CCDC50: variants seen among roughly 807,000 people sequenced by gnomAD.
The protein encoded by CCDC50 is coiled-coil domain containing 50, also known as coiled-coil domain-containing protein 50.
Under a neutral mutation model 70.2 loss-of-function variants are expected in CCDC50, and 54 were observed. That is an observed-to-expected ratio of 0.77 (90% CI 0.62 to 0.96). The LOEUF is 0.96. CCDC50 is among the 50% of genes least tolerant of loss of function. The probability of loss-of-function intolerance (pLI) is 0.00; values close to 1 mark genes in which losing one functional copy is unlikely to be tolerated. For synonymous variants in CCDC50, 216 were observed against 198.8 expected (o/e 1.09, Z -0.73); for missense variants, 558 against 578.7 (o/e 0.96, Z 0.37).
chr3:191,344,805 G>A (rs1025065342), intron 1 of CCDC50, among the ~76,000 whole-genome samples: 7 of 152,014 alleles, frequency 4.6e-5, no homozygotes, highest in Admixed American at 2.0e-4. Flanking sequence ...TCTCGAACTC[G>A]GGAGCTCAGG....
intron 4 of CCDC50, among the ~76,000 whole-genome samples, chr3:191,364,219 G>C (rs1228644421): frequency 6.6e-6 from 1 of 151,780 alleles, no homozygotes; most frequent in Non-Finnish European, 1.5e-5. Context: ...CGGGCGCCTG[G>C]CACCACGTCC....
intron 1 of CCDC50, among the ~76,000 whole-genome samples, chr3:191,356,582 G>T (rs372723882): frequency 6.6e-6 from 1 of 152,198 alleles, no homozygotes; most frequent in Non-Finnish European, 1.5e-5. Flanking sequence ...TGAGGGACTA[G>T]TGAAAATATA....
chr3:191,390,526 G>T (rs1713657403), intron 11 of CCDC50, among the ~76,000 whole-genome samples: 1 of 152,082 alleles, frequency 6.6e-6, no homozygotes, highest in African/African-American at 2.4e-5. Context: ...CTGGGAAAGG[G>T]GTGGGCAAAT....
rs10635756 is a variant in CCDC50 at position 191,389,853 on chromosome 3, CTTTTTTTTTTTTTT to C, written c.1429+263_1429+276del. 2.0e-4 allele frequency among the ~76,000 whole-genome samples: 17 copies of C among 84,658 alleles called. 1 individual carries two copies. The highest frequency in any genetic ancestry group is 3.0e-4 in the Non-Finnish European group (14 of 47,446). The allele number at this position is 84,658 out of a possible 152,430, so 55.5% of individuals were successfully genotyped here. On this transcript the variant is annotated intron_variant, in intron 11 of 11. Transcript: ENST00000392455. ...GAGCACAACGCTTTCATCAAATTCACTTTTTTTTTTTTTTTTTTTTTTTTTGAGTCGGAGTCTCA... is the reference window on the plus strand; with the variant it reads ...GAGCACAACGCTTTCATCAAATTCACTTTTTTTTTTTGAGTCGGAGTCTCA...
intron 1 of CCDC50, among the ~76,000 whole-genome samples, chr3:191,339,899 A>G (rs1174126543): frequency 6.6e-6 from 1 of 152,250 alleles, no homozygotes; most frequent in Non-Finnish European, 1.5e-5. Context: ...ACAGTTGGAT[A>G]TAAGCAGATT....
At chr3:191,369,870 T>C (rs762902925) in intron 4 of CCDC50, 49 bp from the exon 5 acceptor site, 1 of 1,332,378 alleles carries the variant, frequency 7.5e-7, no homozygotes, top group South Asian at 1.2e-5. Flanking sequence ...ATATGGAGTT[T>C]GTTTGTTCTT....
chr3:191,345,912 ATGC>A (rs771892722), intron 1 of CCDC50, among the ~76,000 whole-genome samples: 3 of 152,202 alleles, frequency 2.0e-5, no homozygotes, highest in Non-Finnish European at 2.9e-5. Flanking sequence ...ACTGTTGATG[ATGC>A]TATTATATAA....
chr3:191,334,966 A>G (rs1174829858), intron 1 of CCDC50, among the ~76,000 whole-genome samples: 2 of 152,150 alleles, frequency 1.3e-5, no homozygotes, highest in Non-Finnish European at 2.9e-5. Flanking sequence ...TGTTTTTTCT[A>G]CCTGAAAAGT....
At chr3:191,390,001 C>T (rs1293581771) in intron 11 of CCDC50, among the ~76,000 whole-genome samples, 1 of 151,320 alleles carries the variant, frequency 6.6e-6, no homozygotes, top group African/African-American at 2.4e-5. Flanking sequence ...GCTGGGATTA[C>T]AGACATGTGC....
At chr3:191,334,124 G>GAT (rs1188231069) in intron 1 of CCDC50, among the ~76,000 whole-genome samples, 1 of 152,076 alleles carries the variant, frequency 6.6e-6, no homozygotes, top group African/African-American at 2.4e-5. Flanking sequence ...AGGAATCTTA[G>GAT]ATAATTTGCA....
intron 1 of CCDC50, among the ~76,000 whole-genome samples, chr3:191,355,558 G>A (rs900576269): frequency 6.6e-6 from 1 of 152,178 alleles, no homozygotes; most frequent in Non-Finnish European, 1.5e-5. Context: ...TGTCACCAGT[G>A]AACTCTGTAC....
intron 1 of CCDC50, among the ~76,000 whole-genome samples, chr3:191,334,857 T>C (rs1324210847): frequency 6.6e-6 from 1 of 152,174 alleles, no homozygotes; most frequent in African/African-American, 2.4e-5. Flanking sequence ...TAATGTATCA[T>C]ATGGATGCTG....
In CCDC50 at chr3:191,349,014, T is replaced by C. The variant is rs1712016855; in HGVS notation, c.50-8074T>C. Among the ~76,000 whole-genome samples the C allele has an allele frequency of 1.4e-5, 2 of 142,020 alleles. 1 individual carries two copies. Among genetic ancestry groups the C allele is most frequent in the South Asian group, 4.4e-4 (2 of 4,498 alleles). The allele number at this position is 142,020 out of a possible 152,430, so 93.2% of individuals were successfully genotyped here. A position where few individuals can be genotyped will look rare whatever the true frequency, so the allele number is the denominator to read the frequency against. ...TTTTATGGGGCTCATAATTGGGGTA[T>C]TTGAGTGAGCATAAGAGCGTGTCTG... On this transcript the variant is annotated intron_variant, in intron 1 of 11. Transcript: ENST00000392455.
At chr3:191,389,657 G>A (rs919336695) in intron 11 of CCDC50, 55 bp downstream of exon 11, 6 of 1,301,146 alleles carry the variant, frequency 4.6e-6, no homozygotes, top group East Asian at 4.6e-5. Flanking sequence ...TATAAGCCTC[G>A]TGTTGTAGTG....
chr3:191,342,011 T>C (rs1421722958), intron 1 of CCDC50, among the ~76,000 whole-genome samples: 3 of 152,250 alleles, frequency 2.0e-5, no homozygotes, highest in Non-Finnish European at 2.9e-5. Context: ...TAAAACTGAT[T>C]TGATTCTAGG....
chr3:191,390,340 C>A (rs984518521), intron 11 of CCDC50, among the ~76,000 whole-genome samples: 1 of 152,080 alleles, frequency 6.6e-6, no homozygotes, highest in Non-Finnish European at 1.5e-5. Context: ...AATAGGGATA[C>A]CTCAATTGGA....
chr3:191,364,266 G>T (rs561676064), intron 4 of CCDC50, among the ~76,000 whole-genome samples: 1 of 151,788 alleles, frequency 6.6e-6, no homozygotes, highest in Middle Eastern at 3.2e-3. Flanking sequence ...ACAGGGTTTC[G>T]TCATGTTGGC....
chr3:191,348,703 A>C (rs1712006308), intron 1 of CCDC50, among the ~76,000 whole-genome samples: 1 of 142,210 alleles, frequency 7.0e-6, no homozygotes, highest in South Asian at 2.2e-4. Context: ...ACTAGTAACA[A>C]AATAAATGAA....
At chr3:191,343,029 AT>A (rs1000991169) in intron 1 of CCDC50, among the ~76,000 whole-genome samples, 2 of 151,924 alleles carry the variant, frequency 1.3e-5, no homozygotes, top group East Asian at 1.9e-4. Flanking sequence ...TTATACACGG[AT>A]TTTTTTTCAA....
Sources: gnomAD v4.1 joint callset for allele counts (sites outside exome capture counted in the v4.1 genomes callset) on GRCh38, gnomAD v4.1.1 for gene constraint, MANE v1.5 for transcripts, NCBI Gene and HGNC (gene_info 2026-07-23, HGNC 2026-07-21) for gene names.